SGMS1: variants seen among roughly 807,000 people sequenced by gnomAD.
The protein encoded by SGMS1 is sphingomyelin synthase 1, also known as phosphatidylcholine:ceramide cholinephosphotransferase 1.
In SGMS1, 13 loss-of-function variants were observed where a neutral mutation model predicts 46.2. The ratio of observed to expected loss-of-function variants is 0.28; its 90% CI spans 0.18 to 0.45. SGMS1 has a LOEUF of 0.45. Ranked by LOEUF, SGMS1 falls within the 20% of genes least tolerant of loss-of-function variation. SGMS1 has a pLI of 1.00. For synonymous variants in SGMS1, 203 were observed against 187.8 expected (o/e 1.08, Z -0.66); for missense variants, 324 against 519.9 (o/e 0.62, Z 3.66).
chr10:50,365,799 A>G (rs561462589), intron 6 of SGMS1, among the ~76,000 whole-genome samples: 12 of 152,296 alleles, frequency 7.9e-5, no homozygotes, highest in South Asian at 2.1e-4. Context: ...TCCATGGTAT[A>G]TATGTACTAC....
chr10:50,347,431 A>G (rs924255084), intron 6 of SGMS1, among the ~76,000 whole-genome samples: 2 of 152,216 alleles, frequency 1.3e-5, no homozygotes, highest in Admixed American at 6.5e-5. Flanking sequence ...CTTAAAAACC[A>G]CCGTAAAGAA....
chr10:50,615,323 T>C (rs1337795193), intron 1 of SGMS1, among the ~76,000 whole-genome samples: 1 of 152,316 alleles, frequency 6.6e-6, no homozygotes, highest in East Asian at 1.9e-4. Flanking sequence ...AGGAAGGTGA[T>C]GAATATTAAC....
intron 2 of SGMS1, among the ~76,000 whole-genome samples, chr10:50,559,281 C>T (rs913495690): frequency 6.6e-6 from 1 of 152,184 alleles, no homozygotes; most frequent in African/African-American, 2.4e-5. Flanking sequence ...AGTATCCAAA[C>T]CACCAACCAT....
chr10:50,366,850 A>G (rs1848355083), intron 6 of SGMS1, among the ~76,000 whole-genome samples: 2 of 152,206 alleles, frequency 1.3e-5, no homozygotes, highest in Admixed American at 1.3e-4. Flanking sequence ...TATCTAATGT[A>G]GGTGATGGGT....
chr10:50,611,951 T>G (rs778426672), intron 1 of SGMS1, among the ~76,000 whole-genome samples: 14 of 152,326 alleles, frequency 9.2e-5, no homozygotes, highest in Non-Finnish European at 2.1e-4. Context: ...GGGCAAAGCC[T>G]GCCTTCCCAC....
At chr10:50,495,286 A>T (rs558471963) in intron 3 of SGMS1, among the ~76,000 whole-genome samples, 14 of 149,964 alleles carry the variant, frequency 9.3e-5, no homozygotes, top group African/African-American at 2.4e-4. Flanking sequence ...GATGTGCTGT[A>T]TCTGTCAAAG....
intron 3 of SGMS1, among the ~76,000 whole-genome samples, chr10:50,483,119 G>GC (rs1564925550): frequency 6.6e-6 from 1 of 152,134 alleles, no homozygotes; most frequent in Non-Finnish European, 1.5e-5. Context: ...TCGCTCTATC[G>GC]CCCAGGCTGG....
intron 1 of SGMS1, among the ~76,000 whole-genome samples, chr10:50,596,334 AC>A (rs1838592753): frequency 6.6e-6 from 1 of 152,006 alleles, no homozygotes; most frequent in South Asian, 2.1e-4. Context: ...TCACCACAAC[AC>A]CTGGCTAATT....
intron 4 of SGMS1, among the ~76,000 whole-genome samples, chr10:50,466,299 TAAAA>T (rs1564921727): frequency 1.3e-5 from 2 of 150,490 alleles, no homozygotes; most frequent in Admixed American, 1.3e-4. Flanking sequence ...TCTAAACAAA[TAAAA>T]TAAATAAATG....
chr10:50,620,534 A>G (rs1838839972), intron 1 of SGMS1, among the ~76,000 whole-genome samples: 2 of 152,248 alleles, frequency 1.3e-5, no homozygotes, highest in Non-Finnish European at 2.9e-5. Flanking sequence ...ATCACCATTG[A>G]TCAAATTTGT....
intron 7 of SGMS1, chr10:50,341,208 G>A (rs1022724990): frequency 1.5e-5 from 6 of 388,256 alleles, no homozygotes; most frequent in Non-Finnish European, 2.6e-5. Context: ...TACTACAAAA[G>A]ATTTTAACCT....
intron 2 of SGMS1, among the ~76,000 whole-genome samples, chr10:50,577,606 T>C (rs1838396843): frequency 6.6e-6 from 1 of 152,176 alleles, no homozygotes; most frequent in Non-Finnish European, 1.5e-5. Flanking sequence ...ACCCCTAGAT[T>C]GTTTGTGGCT....
intron 3 of SGMS1, among the ~76,000 whole-genome samples, chr10:50,518,781 AAAG>A: frequency 6.6e-6 from 1 of 152,236 alleles, no homozygotes; most frequent in East Asian, 1.9e-4. Context: ...TTCAAAAAAC[AAAG>A]AAGAAACAAG....
chr10:50,435,538 G>C (rs1194987346), intron 5 of SGMS1, among the ~76,000 whole-genome samples: 1 of 152,148 alleles, frequency 6.6e-6, no homozygotes, highest in Non-Finnish European at 1.5e-5. Context: ...CACCTTAGTT[G>C]ACAGCCTTTA....
At chr10:50,380,026 T>A (rs957641004) in intron 6 of SGMS1, among the ~76,000 whole-genome samples, 1 of 152,146 alleles carries the variant, frequency 6.6e-6, no homozygotes, top group Non-Finnish European at 1.5e-5. Flanking sequence ...AAAATAAAAC[T>A]TCCTTTTTCT....
chr10:50,454,111 CAA>C (rs576608450), intron 5 of SGMS1, among the ~76,000 whole-genome samples: 250 of 145,894 alleles, frequency 1.7e-3, no homozygotes, highest in Non-Finnish European at 2.7e-3. Context: ...GCAGCTTGAC[CAA>C]AAGCACAACA....
chr10:50,389,829 A>C (rs1224606077), intron 6 of SGMS1, among the ~76,000 whole-genome samples: 1 of 152,228 alleles, frequency 6.6e-6, no homozygotes, highest in Non-Finnish European at 1.5e-5. Flanking sequence ...AAATAAATAA[A>C]TAAACTGTTC....
At chr10:50,591,573 C>T (rs3011711) in intron 1 of SGMS1, among the ~76,000 whole-genome samples, 126,725 of 152,142 alleles carry the variant, frequency 0.83, 52,900 homozygotes, top group East Asian at 1. Context: ...TGTATTTTTG[C>T]CATTTATATA....
At chr10:50,441,468 A>G (rs997487020) in intron 5 of SGMS1, among the ~76,000 whole-genome samples, 1 of 152,222 alleles carries the variant, frequency 6.6e-6, no homozygotes, top group Non-Finnish European at 1.5e-5. Flanking sequence ...AATAACTTTA[A>G]TTCCTAACTG....
Sources: allele counts gnomAD v4.1 joint callset (sites outside exome capture counted in the v4.1 genomes callset), GRCh38; gene constraint gnomAD v4.1.1; transcripts MANE v1.5; gene names NCBI Gene and HGNC (gene_info 2026-07-23, HGNC 2026-07-21).